Variants in LIPN observed in about 807,000 individuals in gnomAD.
The protein encoded by LIPN is lipase family member N, also known as lipase member N.
In LIPN, 32 loss-of-function variants were observed where a neutral mutation model predicts 43.7. The observed-to-expected ratio is 0.73, with a 90% CI of 0.55 to 0.98. LIPN has a LOEUF of 0.98. LIPN is among the 50% of genes least tolerant of loss of function. LIPN has a pLI of 0.00. For synonymous variants in LIPN, 156 were observed against 157.6 expected (o/e 0.99, Z 0.08); for missense variants, 505 against 483.8 (o/e 1.04, Z -0.41).
chr10:88,777,813 C>T (rs963966290), intron 9 of LIPN, among the ~76,000 whole-genome samples, 196 bp from the exon 10 acceptor site: 4 of 152,086 alleles, frequency 2.6e-5, no homozygotes, highest in African/African-American at 4.8e-5. Context: ...ATTTAACATA[C>T]CTTACTTTGT....
chr10:88,757,786 T>A (rs1447644398), upstream of LIPN, among the ~76,000 whole-genome samples: 3 of 152,176 alleles, frequency 2.0e-5, no homozygotes, highest in Non-Finnish European at 4.4e-5. Context: ...AGTGTGCTAA[T>A]TAATAATTTT....
intron 7 of LIPN, among the ~76,000 whole-genome samples, chr10:88,771,306 A>G (rs1337823731): frequency 6.6e-6 from 1 of 151,746 alleles, no homozygotes; most frequent in Admixed American, 6.6e-5. Flanking sequence ...TTTGAAATAT[A>G]CAATGAATTA....
chr10:88,771,330 T>A (rs998120992), intron 7 of LIPN, among the ~76,000 whole-genome samples: 1 of 151,810 alleles, frequency 6.6e-6, no homozygotes, highest in East Asian at 1.9e-4. Context: ...TTAACTATAG[T>A]CATCCTATTG....
chr10:88,770,766 T>C (rs561189394), intron 6 of LIPN, 79 bp from the exon 7 acceptor site: 4 of 839,072 alleles, frequency 4.8e-6, no homozygotes, highest in Non-Finnish European at 7.3e-6. Flanking sequence ...TTATATATTC[T>C]GGTTACTAAT....
chr10:88,765,526 A>G (rs1277357395), intron 4 of LIPN, among the ~76,000 whole-genome samples: 1 of 151,874 alleles, frequency 6.6e-6, no homozygotes, highest in Non-Finnish European at 1.5e-5. Flanking sequence ...AGATTTCCTC[A>G]CATGTTCTTT....
chr10:88,761,894 T>C (rs1260739840), intron 2 of LIPN, among the ~76,000 whole-genome samples: 2 of 152,096 alleles, frequency 1.3e-5, no homozygotes, highest in Non-Finnish European at 2.9e-5. Flanking sequence ...ATAGTTCTAT[T>C]ACTTTTAAAG....
In LIPN at chr10:88,766,308, A is replaced by G. The variant is rs1362870027; in HGVS notation, c.465A>G (p.Ile155Met). The G allele has an allele frequency of 3.1e-6, 5 of 1,609,484 alleles. No homozygotes were observed. The highest frequency in any genetic ancestry group is 1.7e-5 in the Admixed American group (1 of 59,768). ...EMAKYDLPGV[I>M]DFIVNKTGQE... The stretch of plus-strand genomic sequence containing the variant: ...CCAAATATGATCTCCCAGGAGTAAT[A>G]GACTTCATTGTAAATAAAACTGGTC... The change falls in exon 5 of 10, where the codon ATA (isoleucine) becomes ATG (methionine). Residue 155 changes from isoleucine (I) to methionine (M), a missense_variant. Coordinates refer to ENST00000404459, the MANE Select transcript of LIPN (RefSeq NM_001102469.2).
chr10:88,764,292 T>C (rs150375363), intron 3 of LIPN, 118 bp from the exon 4 acceptor site: 23 of 708,194 alleles, frequency 3.2e-5, no homozygotes, highest in East Asian at 3.2e-4. Flanking sequence ...TTACCATGTG[T>C]GTATGTGTGT....
Position 88,762,276 on chromosome 10 carries a change from C to G in LIPN, c.197C>G (p.Pro66Arg). Residue 66 changes from proline (P) to arginine (R), a missense_variant, in exon 3 of 10, where the codon CCT becomes CGT. By Grantham distance (103) the Pro-to-Arg change is moderately radical (BLOSUM62 -2). Transcript: ENST00000404459. Reference sequence around the variant, plus strand: ...TATATACTCCTTGTCAACAGAATTCCTTATGGGCGAACACATGCTAGGAGC... The same window carrying G: ...TATATACTCCTTGTCAACAGAATTCGTTATGGGCGAACACATGCTAGGAGC... ...DGYILLVNRI[P>R]YGRTHARSTG... The G allele has an allele frequency of 6.2e-7, 1 of 1,607,708 alleles. No individual in the cohort carries two copies. Among genetic ancestry groups the G allele is most frequent in the South Asian group, 1.1e-5 (1 of 89,890 alleles).
chr10:88,776,903 C>T (rs1355905356), intron 9 of LIPN, among the ~76,000 whole-genome samples: 1 of 152,024 alleles, frequency 6.6e-6, no homozygotes, highest in Non-Finnish European at 1.5e-5. Flanking sequence ...CCCATCTCTT[C>T]TCACTTCCCC....
In LIPN at chr10:88,777,804, T is replaced by C. The variant is rs191674349; in HGVS notation, c.964-205T>C. ...TTTTATTTTTGGAGTGTTTATGGCA[T>C]TTAACATACCTTACTTTGTATACAA... On this transcript the variant is annotated intron_variant, in intron 9 of 9. Coordinates refer to ENST00000404459, the MANE Select transcript of LIPN (RefSeq NM_001102469.2). 5.3e-5 allele frequency among the ~76,000 whole-genome samples: 8 copies of C among 152,316 alleles called. No individual in the cohort carries two copies. The East Asian group carries it at 1.5e-3, about 29-fold the overall frequency.
At chr10:88,769,699 C>T (rs866317176) in intron 6 of LIPN, 11 of 491,326 alleles carry the variant, frequency 2.2e-5, no homozygotes, top group African/African-American at 6.3e-5. Context: ...GAAAATGAGA[C>T]GTTGGTTTGG....
chr10:88,758,902 TTAA>T (rs910755008), upstream of LIPN, among the ~76,000 whole-genome samples: 2 of 152,120 alleles, frequency 1.3e-5, no homozygotes, highest in Non-Finnish European at 2.9e-5. Context: ...CAAATCAATA[TTAA>T]TAATAATAAC....
chr10:88,768,407 A>G (rs1843147546), intron 5 of LIPN, among the ~76,000 whole-genome samples: 1 of 151,828 alleles, frequency 6.6e-6, no homozygotes, highest in Admixed American at 6.6e-5. Flanking sequence ...GTGACTGATT[A>G]TTTGCTTCTG....
intron 6 of LIPN, chr10:88,769,408 G>A (rs1843167670): frequency 6.1e-6 from 1 of 162,994 alleles, no homozygotes; most frequent in South Asian, 2.0e-4. Flanking sequence ...AAGCCTAAAT[G>A]TATTACAGCT....
chr10:88,775,165 T>C lies in LIPN; in HGVS notation c.963+2T>C, dbSNP rs1843276793. 1.3e-6 allele frequency: 2 copies of C among 1,538,044 alleles called. No homozygotes were observed. The highest frequency in any genetic ancestry group is 1.2e-5 in the South Asian group (1 of 83,336). ...GATAATATGAAACATTACAATCAGG[T>C]GAGCTATTTACAGTAACCCCAGCAT... On this transcript the variant is annotated splice_donor_variant, in intron 9 of 9. Coordinates refer to ENST00000404459, the MANE Select transcript of LIPN (RefSeq NM_001102469.2). LOFTEE classifies it high-confidence loss of function.
intron 3 of LIPN, among the ~76,000 whole-genome samples, 160 bp from the exon 4 acceptor site, chr10:88,764,250 T>C (rs1843049997): frequency 6.6e-6 from 1 of 151,970 alleles, no homozygotes; most frequent in Admixed American, 6.6e-5. Flanking sequence ...CTCTATACTA[T>C]TGACAAGGGA....
At chr10:88,771,413 C>A (rs1321478112) in intron 7 of LIPN, among the ~76,000 whole-genome samples, 1 of 151,746 alleles carries the variant, frequency 6.6e-6, no homozygotes, top group Admixed American at 6.6e-5. Flanking sequence ...CCTTCCCCCT[C>A]CCCTACTACC....
intron 1 of LIPN, among the ~76,000 whole-genome samples, chr10:88,760,800 G>A (rs1842983836): frequency 6.6e-6 from 1 of 152,086 alleles, no homozygotes; most frequent in Non-Finnish European, 1.5e-5. Flanking sequence ...CTTATATGAT[G>A]AGCACGCTGT....
Sources: allele counts gnomAD v4.1 joint callset (sites outside exome capture counted in the v4.1 genomes callset), GRCh38; gene constraint gnomAD v4.1.1; transcripts MANE v1.5; gene names NCBI Gene and HGNC (gene_info 2026-07-23, HGNC 2026-07-21).